CCDC83: variants seen among roughly 807,000 people sequenced by gnomAD.
The protein encoded by CCDC83 is coiled-coil domain containing 83, also known as coiled-coil domain-containing protein 83.
In CCDC83, 54 loss-of-function variants were observed where a neutral mutation model predicts 50.1. The observed-to-expected ratio is 1.08, with a 90% CI of 0.87 to 1.35. The LOEUF (loss-of-function observed/expected upper bound fraction) is 1.35, where lower values mean the gene tolerates loss of function less well. CCDC83 is among the 40% of genes most tolerant of loss of function. CCDC83 has a pLI of 0.00. For missense variants in CCDC83, 518 were observed against 473.9 expected (o/e 1.09, Z -0.86); for synonymous variants, 161 against 153.3 (o/e 1.05, Z -0.37).
At chr11:85,882,239 T>C (rs1425874433) in intron 3 of CCDC83, among the ~76,000 whole-genome samples, 1 of 152,252 alleles carries the variant, frequency 6.6e-6, no homozygotes. Context: ...GTTCTTGGTA[T>C]GATGAGTGAT....
chr11:85,898,840 T>C, intron 6 of CCDC83, 107 bp from the exon 7 acceptor site: 2 of 792,754 alleles, frequency 2.5e-6, no homozygotes, highest in South Asian at 3.0e-5. Context: ...CTAAAGTAAT[T>C]GCAGACACAA....
chr11:85,865,425 T>C (rs1222628654), intron 2 of CCDC83, among the ~76,000 whole-genome samples: 1 of 152,282 alleles, frequency 6.6e-6, no homozygotes, highest in Non-Finnish European at 1.5e-5. Flanking sequence ...GTAGTAGCTA[T>C]GACTACTTAG....
chr11:85,863,317 AC>A (rs2093188460), intron 1 of CCDC83, among the ~76,000 whole-genome samples: 1 of 152,238 alleles, frequency 6.6e-6, no homozygotes, highest in African/African-American at 2.4e-5. Flanking sequence ...TGCATCTGAA[AC>A]AAAGAGTAAT....
chr11:85,859,084 T>A, intron 1 of CCDC83, among the ~76,000 whole-genome samples: 1 of 135,238 alleles, frequency 7.4e-6, no homozygotes, highest in East Asian at 2.1e-4. Context: ...AAAAAGAGAA[T>A]AATCTGGTCC....
At chr11:85,900,862 C>A (rs551703449) in intron 7 of CCDC83, among the ~76,000 whole-genome samples, 1 of 151,836 alleles carries the variant, frequency 6.6e-6, no homozygotes, top group East Asian at 1.9e-4. Flanking sequence ...GCCAGGAGTT[C>A]AAGACCAGCC....
At chr11:85,880,360 C>T (rs1244290395) in intron 3 of CCDC83, among the ~76,000 whole-genome samples, 1 of 152,136 alleles carries the variant, frequency 6.6e-6, no homozygotes, top group South Asian at 2.1e-4. Context: ...AATTACGGCT[C>T]ACTGCAGCCT....
chr11:85,892,673 T>C (rs1040144306), intron 5 of CCDC83, among the ~76,000 whole-genome samples: 1 of 152,232 alleles, frequency 6.6e-6, no homozygotes, highest in Non-Finnish European at 1.5e-5. Flanking sequence ...AAATCCATTA[T>C]GCTCCTGATC....
intron 2 of CCDC83, among the ~76,000 whole-genome samples, chr11:85,867,471 T>C (rs2093214057): frequency 6.6e-6 from 1 of 152,234 alleles, no homozygotes; most frequent in African/African-American, 2.4e-5. Context: ...GTATGAACTT[T>C]TTAGGATTGA....
chr11:85,895,054 AC>A (rs2093366401), intron 5 of CCDC83, among the ~76,000 whole-genome samples: 1 of 151,514 alleles, frequency 6.6e-6, no homozygotes, highest in Admixed American at 6.6e-5. Flanking sequence ...ATCCCTCTCT[AC>A]TCTCCTCTCC....
At chr11:85,895,811 G>A (rs1261491302) in intron 6 of CCDC83, among the ~76,000 whole-genome samples, 1 of 152,036 alleles carries the variant, frequency 6.6e-6, no homozygotes, top group Admixed American at 6.6e-5. Flanking sequence ...CAACAGCTCA[G>A]TGAATTTTTT....
chr11:85,878,351 C>T (rs1209561424), intron 3 of CCDC83, among the ~76,000 whole-genome samples: 1 of 152,222 alleles, frequency 6.6e-6, no homozygotes, highest in Non-Finnish European at 1.5e-5. Context: ...GTTCTGCCCC[C>T]TCATTAGACC....
intron 7 of CCDC83, among the ~76,000 whole-genome samples, chr11:85,905,505 G>A (rs1215196989): frequency 1.3e-5 from 2 of 151,634 alleles, no homozygotes; most frequent in African/African-American, 2.4e-5. Flanking sequence ...AGCTACATGG[G>A]AGGCTGAGGT....
chr11:85,881,718 C>G (rs2093301553), intron 3 of CCDC83, among the ~76,000 whole-genome samples: 1 of 152,180 alleles, frequency 6.6e-6, no homozygotes, highest in South Asian at 2.1e-4. Context: ...CACACGCTGC[C>G]CAGATTTTGG....
intron 7 of CCDC83, among the ~76,000 whole-genome samples, chr11:85,900,838 G>A (rs2093397809): frequency 6.6e-6 from 1 of 152,152 alleles, no homozygotes. Context: ...GCTGAGGAGG[G>A]CAGATCGCTT....
At chr11:85,891,694 A>G (rs751180079) in intron 5 of CCDC83, among the ~76,000 whole-genome samples, 31 of 152,232 alleles carry the variant, frequency 2.0e-4, no homozygotes, top group Non-Finnish European at 4.0e-4. Context: ...CTATAAAATC[A>G]GAGTCCCTAG....
Position 85,916,939 on chromosome 11 carries a change from T to C in CCDC83, c.1080+706T>C, listed in dbSNP as rs887732121. Among the ~76,000 whole-genome samples, 25 of 151,532 alleles carry C rather than the reference T, an allele frequency of 1.6e-4. 1 individual carries two copies. The highest frequency in any genetic ancestry group is 2.7e-4 in the Non-Finnish European group (18 of 67,918). On this transcript the variant is annotated intron_variant, in intron 10 of 10. Coordinates refer to ENST00000342404, the MANE Select transcript of CCDC83 (RefSeq NM_001286159.2). ...CAGCCTGGCCAACACGGTGAAACCC[T>C]ATCTCTACTAAATATACCAAAAATA...
At chr11:85,856,521 TCAA>T (rs1459550351) in intron 1 of CCDC83, among the ~76,000 whole-genome samples, 2 of 152,204 alleles carry the variant, frequency 1.3e-5, no homozygotes, top group African/African-American at 4.8e-5. Flanking sequence ...ATACTGCAGT[TCAA>T]ACTATTTGAT....
intron 7 of CCDC83, among the ~76,000 whole-genome samples, chr11:85,904,205 T>C (rs1178239907): frequency 6.6e-6 from 1 of 152,154 alleles, no homozygotes; most frequent in Non-Finnish European, 1.5e-5. Context: ...ACAGAATTAT[T>C]GCAAGGATAC....
chr11:85,904,036 A>T (rs1170947073), intron 7 of CCDC83, among the ~76,000 whole-genome samples: 1 of 151,952 alleles, frequency 6.6e-6, no homozygotes, highest in Admixed American at 6.5e-5. Flanking sequence ...TTAAAAAAAT[A>T]AAATAAATGA....
Sources: allele counts gnomAD v4.1 joint callset (sites outside exome capture counted in the v4.1 genomes callset), GRCh38; gene constraint gnomAD v4.1.1; transcripts MANE v1.5; gene names NCBI Gene and HGNC (gene_info 2026-07-23, HGNC 2026-07-21).